The following DEPTOR variants were observed in gnomAD, a reference collection of about 807,000 sequenced individuals.
The protein encoded by DEPTOR is DEP domain-containing mTOR-interacting protein.
DEPTOR carries 41 observed loss-of-function variants against 41.6 expected under a neutral mutation model. The observed-to-expected ratio is 0.98, with a 90% CI of 0.77 to 1.28. The LOEUF is 1.28. Among genes scored for constraint, DEPTOR ranks in the 50% most tolerant of loss-of-function variants. The probability of loss-of-function intolerance (pLI) is 0.00; values close to 1 mark genes in which losing one functional copy is unlikely to be tolerated. For missense variants in DEPTOR, 514 were observed against 527.9 expected (o/e 0.97, Z 0.26); for synonymous variants, 195 against 192.3 (o/e 1.01, Z -0.12).
intron 8 of DEPTOR, among the ~76,000 whole-genome samples, chr8:120,034,443 C>CTTTTTTTTTTTTTTTT (rs148465030): frequency 5.5e-5 from 5 of 91,564 alleles, no homozygotes; most frequent in East Asian, 3.3e-4. Flanking sequence ...TTTCCTTTTT[C>CTTTTTTTTTTTTTTTT]TTTTTTTTTT....
At chr8:119,935,241 T>C (rs1828093549) in intron 3 of DEPTOR, among the ~76,000 whole-genome samples, 1 of 152,172 alleles carries the variant, frequency 6.6e-6, no homozygotes, top group Non-Finnish European at 1.5e-5. Flanking sequence ...ACTCAACACA[T>C]GAACATAAGT....
In DEPTOR at chr8:120,008,931, G is replaced by C. The variant is rs1162434159; in HGVS notation, c.997-98G>C. The C allele has an allele frequency of 2.8e-6, 3 of 1,070,496 alleles. No homozygotes were observed. The East Asian group carries it at 7.3e-5, about 26-fold the overall frequency. The allele number at this position is 1,070,496 out of a possible 1,614,324, so 66.3% of individuals were successfully genotyped here. On this transcript the variant is annotated intron_variant, in intron 7 of 8. Coordinates refer to ENST00000286234, the MANE Select transcript of DEPTOR (RefSeq NM_022783.4). ...GAGAAACGGAGGAAAATATGTCACA[G>C]TGTATACTTAATCCTGGGCTGGTTT...
chr8:120,050,639 T>C lies in DEPTOR; in HGVS notation c.*935T>C, dbSNP rs1255229310. The C allele has an allele frequency of 6.6e-6, 1 of 152,208 alleles. No homozygotes were observed. Among genetic ancestry groups the C allele is most frequent in the Non-Finnish European group, 1.5e-5 (1 of 68,040 alleles). 9.4% of individuals were successfully genotyped at this position (152,208 alleles called of 1,614,324 possible). On this transcript the variant is annotated 3_prime_UTR_variant, in exon 9 of 9. Transcript: ENST00000286234. ...TTTTTACTAGCTTTCTAGTGTAACA[T>C]ATTCTAAGGACATGACATGCTGCTT...
rs1048770235 is a variant in DEPTOR at position 120,014,159 on chromosome 8, A to G, written c.1101+5026A>G. Among the ~76,000 whole-genome samples the G allele has an allele frequency of 3.3e-5, 5 of 152,320 alleles. No homozygotes were observed. In the East Asian group the frequency reaches 9.6e-4, roughly 29 times the overall value. On this transcript the variant is annotated intron_variant, in intron 8 of 8. Transcript: ENST00000286234. ...TGGAGGACTTTTGTTTGGCACTACAATTCTAGAATGGAGCATGAAATATGG... is the reference window on the plus strand; with the variant it reads ...TGGAGGACTTTTGTTTGGCACTACAGTTCTAGAATGGAGCATGAAATATGG...
chr8:119,918,432 G>A (rs1355907685), intron 1 of DEPTOR, among the ~76,000 whole-genome samples: 2 of 148,750 alleles, frequency 1.3e-5, no homozygotes, highest in African/African-American at 2.5e-5. Context: ...ATTTGGCATG[G>A]ACCACCTTTA....
chr8:120,016,900 A>G (rs1812620445), intron 8 of DEPTOR, among the ~76,000 whole-genome samples: 1 of 152,158 alleles, frequency 6.6e-6, no homozygotes, highest in East Asian at 1.9e-4. Flanking sequence ...GGCTTAAGCC[A>G]TCATGCCCAA....
chr8:119,907,773 T>C lies in DEPTOR; in HGVS notation c.123-20627T>C, dbSNP rs898542364. 2.4e-5 allele frequency among the ~76,000 whole-genome samples: 3 copies of C among 124,898 alleles called. No individual in the cohort carries two copies. In the Admixed American group the frequency reaches 2.8e-4, roughly 12 times the overall value. The allele number at this position is 124,898 out of a possible 152,430, so 81.9% of individuals were successfully genotyped here. On this transcript the variant is annotated intron_variant, in intron 1 of 8. Coordinates refer to ENST00000286234, the MANE Select transcript of DEPTOR (RefSeq NM_022783.4). ...CTGGCCTGGCAACAGAGAGAGACTC[T>C]GTCTCAAAAAACAAAAAAAAAGGGA...
chr8:119,957,344 AT>A (rs1278493323), intron 3 of DEPTOR, among the ~76,000 whole-genome samples: 1 of 152,200 alleles, frequency 6.6e-6, no homozygotes, highest in African/African-American at 2.4e-5. Context: ...AAAGCTTCTA[AT>A]CAAGTGAGCA....
chr8:119,977,134 A>C (rs1828705107), intron 4 of DEPTOR, among the ~76,000 whole-genome samples: 1 of 152,088 alleles, frequency 6.6e-6, no homozygotes. Flanking sequence ...CCAAGTAGCT[A>C]GAATTACAGG....
intron 8 of DEPTOR, among the ~76,000 whole-genome samples, chr8:120,048,844 A>T (rs1813190964): frequency 6.6e-6 from 1 of 152,186 alleles, no homozygotes; most frequent in South Asian, 2.1e-4. Flanking sequence ...GTTGAAACAT[A>T]GAAGAGGAGA....
intron 1 of DEPTOR, among the ~76,000 whole-genome samples, chr8:119,898,246 T>TG (rs2129738966): frequency 6.6e-6 from 1 of 152,182 alleles, no homozygotes; most frequent in African/African-American, 2.4e-5. Flanking sequence ...CAACCCTTGG[T>TG]GTATATCTAA....
In DEPTOR at chr8:120,003,121, C is replaced by A; in HGVS notation, c.925+10C>A. On this transcript the variant is annotated intron_variant, in intron 6 of 8. Coordinates refer to ENST00000286234, the MANE Select transcript of DEPTOR (RefSeq NM_022783.4). ...TGCAACCCCAAGTCCGGTGAGTGCC[C>A]AAAAGGTGGCCCCGCTCCTAAGACT... 6.2e-7 allele frequency: 1 copy of A among 1,610,324 alleles called. No individual in the cohort carries two copies. The highest frequency in any genetic ancestry group is 8.5e-7 in the Non-Finnish European group (1 of 1,179,546).
intron 8 of DEPTOR, among the ~76,000 whole-genome samples, chr8:120,032,921 T>C (rs192485622): frequency 6.6e-6 from 1 of 152,206 alleles, no homozygotes; most frequent in Non-Finnish European, 1.5e-5. Context: ...TTCTTCCTCA[T>C]AACTGGTCCA....
intron 4 of DEPTOR, among the ~76,000 whole-genome samples, chr8:119,973,185 C>T (rs557565145): frequency 6.8e-4 from 103 of 151,954 alleles, no homozygotes; most frequent in Non-Finnish European, 1.0e-3. Flanking sequence ...GTGATCTGCC[C>T]ACCTCAGCCT....
chr8:119,927,157 G>C (rs1426195795), intron 1 of DEPTOR, among the ~76,000 whole-genome samples: 1 of 152,140 alleles, frequency 6.6e-6, no homozygotes, highest in African/African-American at 2.4e-5. Context: ...ATGAGAAACA[G>C]ACCCTATGAA....
intron 8 of DEPTOR, among the ~76,000 whole-genome samples, chr8:120,039,906 A>G (rs1813035042): frequency 1.3e-5 from 2 of 152,048 alleles, no homozygotes. Context: ...GTGCAATGGC[A>G]CAAACTCGCC....
intron 5 of DEPTOR, 93 bp downstream of exon 5, chr8:120,001,803 C>T: frequency 7.1e-7 from 1 of 1,404,474 alleles, no homozygotes; most frequent in South Asian, 1.6e-5. Flanking sequence ...TGTTCTCTAT[C>T]AGAGCGTAGA....
intron 1 of DEPTOR, among the ~76,000 whole-genome samples, chr8:119,883,976 T>C (rs1238321148): frequency 1.3e-5 from 2 of 152,348 alleles, no homozygotes; most frequent in Non-Finnish European, 2.9e-5. Context: ...CAGTAGCTAC[T>C]CTGACCTTGA....
intron 3 of DEPTOR, among the ~76,000 whole-genome samples, chr8:119,954,845 G>GGTGTGTGTGTGTGTGT (rs10649943): frequency 1.5e-4 from 22 of 147,944 alleles, no homozygotes; most frequent in African/African-American, 5.5e-4. Context: ...GGCAAATATT[G>GGTGTGTGTGTGTGTGT]GTGTGTGTGT....
Sources: gnomAD v4.1 joint callset for allele counts (sites outside exome capture counted in the v4.1 genomes callset) on GRCh38, gnomAD v4.1.1 for gene constraint, MANE v1.5 for transcripts, NCBI Gene and HGNC (gene_info 2026-07-23, HGNC 2026-07-21) for gene names.